The following BCL11A variants were observed in gnomAD, a reference collection of about 807,000 sequenced individuals.
BCL11A encodes BCL11 transcription factor A.
BCL11A carries 2 observed loss-of-function variants against 55.9 expected under a neutral mutation model. That is an observed-to-expected ratio of 0.04 (90% CI 0.01 to 0.11). The LOEUF is 0.11. BCL11A is among the 10% of genes least tolerant of loss of function. The pLI, the probability that BCL11A is intolerant of heterozygous loss-of-function variation, is 1.00. For missense variants in BCL11A, 817 were observed against 1,137.1 expected (o/e 0.72, Z 4.05); for synonymous variants, 465 against 473.4 (o/e 0.98, Z 0.23).
At chr2:60,531,870 G>A (rs576281064) in intron 2 of BCL11A, among the ~76,000 whole-genome samples, 5 of 152,232 alleles carry the variant, frequency 3.3e-5, no homozygotes, top group Non-Finnish European at 7.4e-5. Flanking sequence ...CCCCTCAAAG[G>A]ACAAATGAAA....
intron 2 of BCL11A, among the ~76,000 whole-genome samples, chr2:60,473,122 A>G (rs1217294383): frequency 1.3e-5 from 2 of 151,994 alleles, no homozygotes; most frequent in East Asian, 1.9e-4. Context: ...TAGCATGTGC[A>G]TGCACATGTG....
chr2:60,473,882 T>A, intron 2 of BCL11A, among the ~76,000 whole-genome samples: 1 of 152,176 alleles, frequency 6.6e-6, no homozygotes, highest in South Asian at 2.1e-4. Flanking sequence ...ACATGTGCAT[T>A]TTTTTTCCTT....
At chr2:60,451,984 G>A (rs1352866464) in exon 5 of BCL11A, 1 of 227,960 alleles carries the variant, frequency 4.4e-6, no homozygotes, top group Non-Finnish European at 8.7e-6. Context: ...GAAAATTTAT[G>A]CCATCTGATA....
chr2:60,551,481 C>T (rs1481334692), intron 1 of BCL11A, among the ~76,000 whole-genome samples: 2 of 152,210 alleles, frequency 1.3e-5, no homozygotes, highest in African/African-American at 2.4e-5. Flanking sequence ...GGTGACCAGA[C>T]CGGGCGGGGT....
At chr2:60,551,151 G>C (rs942114445) in intron 1 of BCL11A, among the ~76,000 whole-genome samples, 1 of 152,208 alleles carries the variant, frequency 6.6e-6, no homozygotes, top group African/African-American at 2.4e-5. Flanking sequence ...AAAATTTAAA[G>C]TAAGAATCAT....
chr2:60,454,135 T>C (rs1413080317), downstream of BCL11A, among the ~76,000 whole-genome samples: 1 of 152,100 alleles, frequency 6.6e-6, no homozygotes, highest in Non-Finnish European at 1.5e-5. Context: ...AGCGGGCTAA[T>C]GGGATAACGA....
intron 2 of BCL11A, among the ~76,000 whole-genome samples, chr2:60,530,540 T>C (rs990444731): frequency 6.6e-6 from 1 of 151,264 alleles, no homozygotes; most frequent in Non-Finnish European, 1.5e-5. Flanking sequence ...CCCGCATATG[T>C]AGCCAAAAGA....
At chr2:60,470,282 C>T (rs1677124963) in intron 2 of BCL11A, among the ~76,000 whole-genome samples, 1 of 152,128 alleles carries the variant, frequency 6.6e-6, no homozygotes. Flanking sequence ...CCAACACAAG[C>T]AGGAAGACCG....
At chr2:60,542,830 A>G (rs1333420112) in intron 2 of BCL11A, 1 of 152,098 alleles carries the variant, frequency 6.6e-6, no homozygotes, top group African/African-American at 2.4e-5. Flanking sequence ...GGAGTTCAAG[A>G]CCAGCCTGGC....
downstream of BCL11A, among the ~76,000 whole-genome samples, chr2:60,456,970 G>A (rs1181072517): frequency 6.6e-6 from 1 of 152,106 alleles, no homozygotes; most frequent in African/African-American, 2.4e-5. Context: ...TCCATTTCTT[G>A]AAAACTATTC....
In BCL11A at chr2:60,461,831, G is replaced by C; in HGVS notation, c.1081C>G (p.Pro361Ala). Residue 361 changes from proline to alanine, a missense_variant, in exon 4 of 4, where the codon CCT becomes GCT. This residue lies in a region of BCL11A where 363 missense variants were observed against 486.6 expected (regional missense o/e 0.75). Coordinates refer to ENST00000642384, the MANE Select transcript of BCL11A (RefSeq NM_022893.4). ...KPPFLATPPL[P>A]PLQSAPPPSQ... ...GGAGGAGGGGCGGATTGCAGAGGAG[G>C]GAGGGGGGGCGTCGCCAGGAAGGGC... The C allele has an allele frequency of 6.2e-7, 1 of 1,612,242 alleles. No homozygotes were observed. Among genetic ancestry groups the C allele is most frequent in the East Asian group, 2.2e-5 (1 of 44,824 alleles).
intron 2 of BCL11A, among the ~76,000 whole-genome samples, chr2:60,505,136 G>C (rs558386216): frequency 7.2e-4 from 110 of 152,016 alleles, no homozygotes; most frequent in African/African-American, 2.4e-3. Context: ...ACTCCTCAAA[G>C]GGCTTACTCA....
chr2:60,538,737 CTCTG>C (rs1446176440), intron 2 of BCL11A, among the ~76,000 whole-genome samples: 6,778 of 118,300 alleles, frequency 0.057, 183 homozygotes, highest in African/African-American at 0.1. Flanking sequence ...CTCTCTCTCT[CTCTG>C]TGTGTGTGTG....
intron 2 of BCL11A, among the ~76,000 whole-genome samples, chr2:60,540,946 TTGTGTGTGTGTGTGTGTG>T (rs368895286): frequency 4.6e-4 from 64 of 140,318 alleles, no homozygotes; most frequent in Admixed American, 9.3e-4. Context: ...AGCACTGGTT[TTGTGTGTGTGTGTGTGTG>T]TGTGTGTGTG....
chr2:60,542,854 C>T (rs1669984152), intron 2 of BCL11A: 1 of 152,060 alleles, frequency 6.6e-6, no homozygotes, highest in African/African-American at 2.4e-5. Flanking sequence ...CATGGTGAAA[C>T]CCTGCCTCTA....
At chr2:60,479,401 C>T (rs915795342) in intron 2 of BCL11A, among the ~76,000 whole-genome samples, 5 of 152,232 alleles carry the variant, frequency 3.3e-5, no homozygotes, top group East Asian at 1.9e-4. Context: ...AGCATTTCCA[C>T]GCAGTCCCAA....
At chr2:60,467,745 TGATGGTGGTGGTAATGGTGGTGGTGGA>T (rs1676874176) in intron 3 of BCL11A, among the ~76,000 whole-genome samples, 1 of 98,854 alleles carries the variant, frequency 1.0e-5, no homozygotes, top group Non-Finnish European at 2.2e-5. Context: ...GTGGTGGTAG[TGATGGTGGTGGTAATGGTGGTGGTGGA>T]GATGGTGGTG....
At chr2:60,515,583 C>T (rs1460765472) in intron 2 of BCL11A, among the ~76,000 whole-genome samples, 1 of 152,312 alleles carries the variant, frequency 6.6e-6, no homozygotes. Context: ...TTCCTAGTTA[C>T]CTAGAAAAAT....
chr2:60,495,466 C>T (rs1324646203), intron 2 of BCL11A, among the ~76,000 whole-genome samples: 2 of 152,234 alleles, frequency 1.3e-5, no homozygotes, highest in Admixed American at 6.5e-5. Flanking sequence ...TCAGCCATCT[C>T]ACTACAGATA....
Sources: gnomAD v4.1 joint callset for allele counts (sites outside exome capture counted in the v4.1 genomes callset) on GRCh38, gnomAD v4.1.1 for gene constraint, gnomAD v4.1.1 regional missense constraint, MANE v1.5 for transcripts, NCBI Gene and HGNC (gene_info 2026-07-23, HGNC 2026-07-21) for gene names.